PDE11A: variants seen among roughly 807,000 people sequenced by gnomAD.
The protein encoded by PDE11A is phosphodiesterase 11A.
PDE11A carries 100 observed loss-of-function variants against 100.5 expected under a neutral mutation model. That is an observed-to-expected ratio of 1.00 (90% confidence interval 0.85 to 1.18). The LOEUF (loss-of-function observed/expected upper bound fraction) is 1.18, where lower values mean the gene tolerates loss of function less well. Ranked by LOEUF, PDE11A falls within the 50% of genes most tolerant of loss-of-function variation. The pLI is 0.00. For missense variants in PDE11A, 1,141 were observed against 1,152.6 expected, an observed-to-expected ratio of 0.99 and a Z score of 0.15; for synonymous variants, 381 against 420.8, an observed-to-expected ratio of 0.91 and a Z score of 1.16.
chr2:177,687,265 C>T (rs1017564949), intron 15 of PDE11A: 2 of 152,210 alleles, frequency 1.3e-5, no homozygotes, highest in Admixed American at 1.3e-4. Context: ...GCCCTGTGCA[C>T]CTCCCAACTG....
At chr2:177,934,301 A>G (rs894593798) in intron 2 of PDE11A, among the ~76,000 whole-genome samples, 1 of 152,228 alleles carries the variant, frequency 6.6e-6, no homozygotes, top group African/African-American at 2.4e-5. Context: ...AAAAACAAAT[A>G]ACCCCATTTA....
At chr2:177,942,759 T>A (rs1394656519) in intron 2 of PDE11A, among the ~76,000 whole-genome samples, 1 of 152,220 alleles carries the variant, frequency 6.6e-6, no homozygotes, top group African/African-American at 2.4e-5. Flanking sequence ...ATCTTAACCA[T>A]TTTTAAGTCT....
intron 9 of PDE11A, among the ~76,000 whole-genome samples, chr2:177,770,226 C>G (rs2082293635): frequency 6.6e-6 from 1 of 152,180 alleles, no homozygotes; most frequent in African/African-American, 2.4e-5. Flanking sequence ...GTGTCTTCAA[C>G]AGCAATCACA....
intron 2 of PDE11A, chr2:177,998,169 T>C: frequency 1.1e-6 from 1 of 929,434 alleles, no homozygotes; most frequent in Non-Finnish European, 1.8e-6. Flanking sequence ...GTAAGCTTTT[T>C]AACCCAGACA....
intron 2 of PDE11A, chr2:177,997,904 AC>A: frequency 7.4e-7 from 1 of 1,354,408 alleles, no homozygotes; most frequent in Non-Finnish European, 1.1e-6. Flanking sequence ...ATCTCCACCA[AC>A]AATTTCAATA....
rs2080756893 is a variant in PDE11A, at chr2:177,675,449, A to G, written c.2487+6T>C. On this transcript the variant is annotated splice_donor_region_variant and intron_variant, in intron 17 of 19. Coordinates refer to ENST00000286063, the MANE Select transcript of PDE11A (RefSeq NM_016953.4). ...CTGCTGAGCCCTGCCATTAATCACC[A>G]CTTGCCTGTCTGGAGATCTCCCACG... 25 of 1,607,408 alleles carry G rather than the reference A, an allele frequency of 1.6e-5. No individual in the cohort carries two copies. The East Asian group carries it at 5.6e-4, about 36-fold the overall frequency.
chr2:177,944,733 T>G (rs1005658041), intron 2 of PDE11A, among the ~76,000 whole-genome samples: 2 of 151,964 alleles, frequency 1.3e-5, no homozygotes, highest in Non-Finnish European at 2.9e-5. Flanking sequence ...GTGCGGGCTG[T>G]GAGAGAGGGA....
At chr2:178,096,503 C>T (rs978833772) in intron 2 of PDE11A, among the ~76,000 whole-genome samples, 8 of 152,082 alleles carry the variant, frequency 5.3e-5, no homozygotes, top group African/African-American at 1.4e-4. Flanking sequence ...CATGGTCGGG[C>T]TGCAAATTTT....
chr2:177,950,902 G>T (rs898622124), intron 2 of PDE11A, among the ~76,000 whole-genome samples: 1 of 152,094 alleles, frequency 6.6e-6, no homozygotes, highest in Non-Finnish European at 1.5e-5. Flanking sequence ...ATTGCACTCC[G>T]GCCTGGGCAA....
At chr2:177,719,982 C>A (rs1370243041) in intron 12 of PDE11A, among the ~76,000 whole-genome samples, 1 of 151,952 alleles carries the variant, frequency 6.6e-6, no homozygotes, top group African/African-American at 2.4e-5. Context: ...CTAATGGAAG[C>A]TGATGGTTCT....
At chr2:178,008,744 T>C (rs1373093656) in intron 2 of PDE11A, among the ~76,000 whole-genome samples, 2 of 152,158 alleles carry the variant, frequency 1.3e-5, no homozygotes, top group Non-Finnish European at 2.9e-5. Context: ...TCAACACCAG[T>C]TGGCAGAGCA....
At chr2:177,752,856 G>A (rs1356075525) in intron 10 of PDE11A, among the ~76,000 whole-genome samples, 1 of 152,204 alleles carries the variant, frequency 6.6e-6, no homozygotes, top group Non-Finnish European at 1.5e-5. Context: ...GTTAATGCGA[G>A]TCTGCAGAAT....
intron 12 of PDE11A, among the ~76,000 whole-genome samples, chr2:177,715,544 A>G (rs888676477): frequency 2.0e-5 from 3 of 151,192 alleles, no homozygotes; most frequent in Admixed American, 2.0e-4. Flanking sequence ...AATTAGTTGG[A>G]TACTGGACTT....
At chr2:177,954,487 T>A (rs1191769383) in intron 2 of PDE11A, among the ~76,000 whole-genome samples, 2 of 152,218 alleles carry the variant, frequency 1.3e-5, no homozygotes, top group African/African-American at 4.8e-5. Flanking sequence ...TCAATAGTTC[T>A]TGAAGTCAGT....
intron 2 of PDE11A, among the ~76,000 whole-genome samples, chr2:177,917,014 G>A (rs2084964624): frequency 7.0e-6 from 1 of 141,926 alleles, no homozygotes; most frequent in Non-Finnish European, 1.5e-5. Flanking sequence ...CTGACTTCGT[G>A]ATCCACCCGC....
chr2:177,807,695 G>T (rs1425262253), intron 9 of PDE11A, among the ~76,000 whole-genome samples: 1 of 152,098 alleles, frequency 6.6e-6, no homozygotes, highest in Non-Finnish European at 1.5e-5. Flanking sequence ...CAAAGTGCTG[G>T]GATTGTAGGC....
intron 10 of PDE11A, among the ~76,000 whole-genome samples, chr2:177,729,406 A>G (rs936686857): frequency 3.2e-4 from 49 of 152,086 alleles, no homozygotes; most frequent in Admixed American, 3.1e-3. Flanking sequence ...ATATTCCTTC[A>G]CCATAATTGT....
chr2:177,707,213 G>T (rs2081293471), intron 13 of PDE11A, among the ~76,000 whole-genome samples: 1 of 152,178 alleles, frequency 6.6e-6, no homozygotes, highest in Non-Finnish European at 1.5e-5. Flanking sequence ...AGTTCCTCCT[G>T]TAAAATGGAG....
rs190780529 is a variant in PDE11A at position 178,054,279 on chromosome 2, A to G, written c.912+17247T>C. Among the ~76,000 whole-genome samples, 467 of 152,338 alleles carry G rather than the reference A, an allele frequency of 3.1e-3. 3 individuals carry two copies. The highest frequency in any genetic ancestry group is 0.01 in the African/African-American group (436 of 41,576). ...TCCCTATTTAGCAAATGGTGCTGGG[A>G]AAACTGGCTAGCCATATGTAGAAAG... On this transcript the variant is annotated intron_variant, in intron 1 of 19. Transcript: ENST00000286063.
Sources: allele counts gnomAD v4.1 joint callset (sites outside exome capture counted in the v4.1 genomes callset), GRCh38; gene constraint gnomAD v4.1.1; transcripts MANE v1.5; gene names NCBI Gene and HGNC (gene_info 2026-07-23, HGNC 2026-07-21).